Variants in RBM6 observed in about 807,000 individuals in gnomAD.
RBM6 encodes RNA-binding protein 6.
A neutral mutation model predicts 140.4 loss-of-function variants in RBM6; 23 were observed. That is an observed-to-expected ratio of 0.16 (90% confidence interval 0.12 to 0.23). RBM6 has a LOEUF of 0.23. Ranked by LOEUF, RBM6 falls within the 10% of genes least tolerant of loss-of-function variation. RBM6 has a pLI of 1.00. For synonymous variants in RBM6, 439 were observed against 475.6 expected (o/e 0.92, Z 1.00); for missense variants, 1,139 against 1,386.7 (o/e 0.82, Z 2.84).
rs80302255 is a variant in RBM6 at position 50,074,751 on chromosome 3, C to T, written c.3117-450C>T. ...GTACCCAGCAACAAAACATAGCTATCAGGCACTCAGAGGTACTGTTAAATA... is the reference window on the plus strand; with the variant it reads ...GTACCCAGCAACAAAACATAGCTATTAGGCACTCAGAGGTACTGTTAAATA... On this transcript the variant is annotated intron_variant, in intron 19 of 20. Transcript: ENST00000266022. Among the ~76,000 whole-genome samples the T allele has an allele frequency of 6.1e-3, 929 of 152,268 alleles. 11 individuals carry two copies. The highest frequency in any genetic ancestry group is 0.021 in the African/African-American group (877 of 41,544).
At chr3:49,975,159 C>G (rs2085007397) in intron 4 of RBM6, among the ~76,000 whole-genome samples, 164 bp from the exon 5 acceptor site, 2 of 152,164 alleles carry the variant, frequency 1.3e-5, no homozygotes, top group Non-Finnish European at 2.9e-5. Flanking sequence ...TAATTATGTT[C>G]TACTCATTCA....
At chr3:50,046,600 AAGG>A (rs1431221982) in intron 6 of RBM6, among the ~76,000 whole-genome samples, 16 of 151,570 alleles carry the variant, frequency 1.1e-4, no homozygotes, top group Non-Finnish European at 2.1e-4. Context: ...AAAAAAAAAA[AAGG>A]AGGGGGCGCT....
chr3:49,959,656 C>T (rs570443714), intron 1 of RBM6, among the ~76,000 whole-genome samples: 4 of 149,612 alleles, frequency 2.7e-5, no homozygotes, highest in Non-Finnish European at 4.4e-5. Flanking sequence ...CTGCAACCTC[C>T]GCCTCCAGGG....
intron 6 of RBM6, among the ~76,000 whole-genome samples, chr3:50,012,355 AT>A (rs906366838): frequency 4.7e-5 from 7 of 147,498 alleles, no homozygotes; most frequent in African/African-American, 1.2e-4. Context: ...GTCCATTCCA[AT>A]TTTTTTTTTC....
chr3:50,024,817 G>A (rs1296645650), intron 6 of RBM6, among the ~76,000 whole-genome samples: 1 of 151,898 alleles, frequency 6.6e-6, no homozygotes, highest in South Asian at 2.1e-4. Context: ...GCTGGGCGTG[G>A]TGACGGGCCC....
chr3:50,041,099 G>A (rs955247894), intron 6 of RBM6, among the ~76,000 whole-genome samples: 10 of 152,184 alleles, frequency 6.6e-5, no homozygotes, highest in Non-Finnish European at 1.2e-4. Flanking sequence ...AGTCTAAAAC[G>A]TTTGCTGTCA....
chr3:50,061,725 A>G lies in RBM6; in HGVS notation c.2439+178A>G, dbSNP rs908866190. ...AAACAGAACTGTTGCCTATATGGAAAATCAGTGCCTTGTGGCAATACAGGT... is the reference window on the plus strand; with the variant it reads ...AAACAGAACTGTTGCCTATATGGAAGATCAGTGCCTTGTGGCAATACAGGT... On this transcript the variant is annotated intron_variant, in intron 14 of 20. Transcript: ENST00000266022. 2.8e-6 allele frequency: 4 copies of G among 1,405,882 alleles called. No homozygotes were observed. In the African/African-American group the frequency reaches 5.8e-5, roughly 20 times the overall value. 87.1% of individuals were successfully genotyped at this position (1,405,882 alleles called of 1,614,324 possible).
rs1268031774 is a variant in RBM6 at position 50,075,343 on chromosome 3, C to A, written c.3246+13C>A. The A allele has an allele frequency of 3.1e-6, 5 of 1,605,304 alleles. No homozygotes were observed. In the Admixed American group the frequency reaches 8.5e-5, roughly 27 times the overall value. ...TTCATCAGAGGAGGTAAAATGGTTT[C>A]CATCTTTTGGGGGGTGACATGAACC... is the stretch of plus-strand genomic sequence containing the variant. On this transcript the variant is annotated intron_variant, in intron 20 of 20. Transcript: ENST00000266022.
chr3:50,018,150 C>T (rs1049738546), intron 6 of RBM6, among the ~76,000 whole-genome samples: 3 of 152,196 alleles, frequency 2.0e-5, no homozygotes, highest in Non-Finnish European at 4.4e-5. Flanking sequence ...AGTTTCATTG[C>T]CCTAGAAACC....
chr3:49,953,090 C>T (rs776891697), intron 1 of RBM6, among the ~76,000 whole-genome samples: 31 of 151,600 alleles, frequency 2.0e-4, no homozygotes, highest in Non-Finnish European at 3.7e-4. Flanking sequence ...GGGTCTTGCT[C>T]TGTTGCCCAG....
intron 6 of RBM6, among the ~76,000 whole-genome samples, chr3:50,028,110 A>C (rs1320874090): frequency 1.3e-5 from 2 of 151,258 alleles, no homozygotes; most frequent in Non-Finnish European, 2.9e-5. Flanking sequence ...GGTACTGTGG[A>C]CATGTGTCAG....
chr3:50,015,867 G>T (rs1037585403), intron 6 of RBM6, among the ~76,000 whole-genome samples: 1 of 152,204 alleles, frequency 6.6e-6, no homozygotes, highest in African/African-American at 2.4e-5. Context: ...TGATACATGT[G>T]TACATTGTAG....
intron 19 of RBM6, among the ~76,000 whole-genome samples, chr3:50,073,083 C>A (rs2090355414): frequency 6.6e-6 from 1 of 152,174 alleles, no homozygotes; most frequent in Non-Finnish European, 1.5e-5. Flanking sequence ...AAGTCCAAAT[C>A]TCCTGTATTA....
intron 6 of RBM6, among the ~76,000 whole-genome samples, chr3:50,032,151 AAG>A (rs1298753492): frequency 6.6e-6 from 1 of 152,088 alleles, no homozygotes; most frequent in Non-Finnish European, 1.5e-5. Context: ...TCCCAAGGTA[AAG>A]AGAGCAGATA....
rs11923132 is a variant in RBM6, at chr3:49,993,567, G to T, written c.1484-5873G>T. Among the ~76,000 whole-genome samples the T allele has an allele frequency of 1.1e-4, 17 of 152,002 alleles. No homozygotes were observed. The East Asian group carries it at 3.3e-3, about 29-fold the overall frequency. ...TAAGGCAGGAGAATTGCTTGAACCTGGTAGGCGGTAGTTGCAATGAGCCGA... is the reference window on the plus strand; with the variant it reads ...TAAGGCAGGAGAATTGCTTGAACCTTGTAGGCGGTAGTTGCAATGAGCCGA... On this transcript the variant is annotated intron_variant, in intron 5 of 20. Transcript: ENST00000266022.
chr3:49,950,349 T>C (rs892461964), intron 1 of RBM6, among the ~76,000 whole-genome samples: 2 of 152,136 alleles, frequency 1.3e-5, no homozygotes, highest in African/African-American at 4.8e-5. Flanking sequence ...AAAGTCATGA[T>C]TAAGAAGGAT....
chr3:49,975,711 T>G (rs1348028158), intron 5 of RBM6, among the ~76,000 whole-genome samples: 2 of 152,236 alleles, frequency 1.3e-5, no homozygotes, highest in Non-Finnish European at 2.9e-5. Context: ...GTGGAATGTT[T>G]ATGCTTGAGC....
Position 50,046,536 on chromosome 3 carries a change from G to A in RBM6, c.1558-1709G>A, listed in dbSNP as rs897738123. On this transcript the variant is annotated intron_variant, in intron 6 of 20. Coordinates refer to ENST00000266022, the MANE Select transcript of RBM6 (RefSeq NM_005777.3). ...GGAGGTTGCAGTGAGCCGAGATCAC[G>A]CCATAGCACTCCAGCCTGGGCAACA... Among the ~76,000 whole-genome samples the A allele has an allele frequency of 3.4e-5, 5 of 148,924 alleles. No individual in the cohort carries two copies. The South Asian group carries it at 8.5e-4, about 25-fold the overall frequency.
chr3:50,033,039 G>A (rs1010181496), intron 6 of RBM6, among the ~76,000 whole-genome samples: 6 of 151,652 alleles, frequency 4.0e-5, no homozygotes, highest in African/African-American at 1.5e-4. Flanking sequence ...GCTCATGCCT[G>A]TAATCACAGC....
Sources: allele counts gnomAD v4.1 joint callset (sites outside exome capture counted in the v4.1 genomes callset), GRCh38; gene constraint gnomAD v4.1.1; transcripts MANE v1.5; gene names NCBI Gene and HGNC (gene_info 2026-07-23, HGNC 2026-07-21).